Variants in KCTD16 observed in about 807,000 individuals in gnomAD.
KCTD16 encodes BTB/POZ domain-containing protein KCTD16.
In KCTD16, 13 loss-of-function variants were observed where a neutral mutation model predicts 33.2. The ratio of observed to expected loss-of-function variants is 0.39; its 90% CI spans 0.25 to 0.62. The LOEUF (loss-of-function observed/expected upper bound fraction) is 0.62. Among genes scored for constraint, KCTD16 ranks in the 20% least tolerant of loss-of-function variants. The pLI is 0.50. For synonymous variants in KCTD16, 197 were observed against 195.3 expected (o/e 1.01, Z -0.07); for missense variants, 441 against 525.1 (o/e 0.84, Z 1.57).
At position 144,481,336 on chromosome 5, in the gene KCTD16, C is replaced by T. The variant is rs1580997072; in HGVS notation, c.*7222C>T. Reference sequence around the variant, plus strand: ...TCATTGTCTGTAACTGCTTATCATACCCTTTGTTACTTTGAGTTGAATATT... The same window carrying T: ...TCATTGTCTGTAACTGCTTATCATATCCTTTGTTACTTTGAGTTGAATATT... On this transcript the variant is annotated 3_prime_UTR_variant, in exon 4 of 4. Transcript: ENST00000512467. 6.6e-6 allele frequency: 1 copy of T among 151,878 alleles called. No individual in the cohort carries two copies. The highest frequency in any genetic ancestry group is 2.4e-5 in the African/African-American group (1 of 41,386). The allele number at this position is 151,878 out of a possible 1,614,324, so 9.4% of individuals were successfully genotyped here. A position where few individuals can be genotyped will look rare whatever the true frequency, so the allele number is the denominator to read the frequency against.
In KCTD16 at chr5:144,280,820, G is replaced by C. The variant is rs753690510; in HGVS notation, c.832+73274G>C. ...TGGGAGCCTGTAGTCCCAGCTACTC[G>C]GGAGGCTGAGGCAGGAGAATGGCGT... On this transcript the variant is annotated intron_variant, in intron 3 of 3. Coordinates refer to ENST00000512467, the MANE Select transcript of KCTD16 (RefSeq NM_020768.4). Among the ~76,000 whole-genome samples, 4 of 151,902 alleles carry C rather than the reference G, an allele frequency of 2.6e-5. No individual in the cohort carries two copies. In the East Asian group the frequency reaches 7.8e-4, roughly 30 times the overall value.
At chr5:144,173,152 T>C (rs1404671523) in intron 1 of KCTD16, among the ~76,000 whole-genome samples, 1 of 152,184 alleles carries the variant, frequency 6.6e-6, no homozygotes, top group Non-Finnish European at 1.5e-5. Flanking sequence ...AGGATATAAA[T>C]CAGTCTATCA....
chr5:144,402,237 G>T (rs914386652), intron 3 of KCTD16, among the ~76,000 whole-genome samples: 1 of 152,120 alleles, frequency 6.6e-6, no homozygotes, highest in African/African-American at 2.4e-5. Context: ...CTATAGAAGG[G>T]GCTTTTCTGG....
At chr5:144,282,178 G>A (rs1375388290) in intron 3 of KCTD16, among the ~76,000 whole-genome samples, 1 of 152,184 alleles carries the variant, frequency 6.6e-6, no homozygotes, top group East Asian at 1.9e-4. Flanking sequence ...GAAAGGATCT[G>A]AAGGTTGAGC....
At chr5:144,250,460 C>T (rs1754667383) in intron 3 of KCTD16, among the ~76,000 whole-genome samples, 1 of 152,146 alleles carries the variant, frequency 6.6e-6, no homozygotes, top group Non-Finnish European at 1.5e-5. Flanking sequence ...TGACATTTTA[C>T]ATTGGAATTC....
intron 3 of KCTD16, among the ~76,000 whole-genome samples, chr5:144,397,093 G>A (rs1414254516): frequency 9.8e-6 from 1 of 101,912 alleles, no homozygotes; most frequent in African/African-American, 4.0e-5. Context: ...CCCACAACAG[G>A]CCCCACTGTG....
At chr5:144,243,148 T>C (rs1754449308) in intron 3 of KCTD16, among the ~76,000 whole-genome samples, 1 of 152,236 alleles carries the variant, frequency 6.6e-6, no homozygotes. Context: ...AAGTGTCATT[T>C]TCATCACATC....
chr5:144,290,603 C>T (rs995556849), intron 3 of KCTD16, among the ~76,000 whole-genome samples: 1 of 152,176 alleles, frequency 6.6e-6, no homozygotes, highest in African/African-American at 2.4e-5. Flanking sequence ...TCTTCTATAT[C>T]AATAAGATCT....
At chr5:144,342,041 TTTAG>T (rs1457710469) in intron 3 of KCTD16, among the ~76,000 whole-genome samples, 3 of 152,200 alleles carry the variant, frequency 2.0e-5, no homozygotes, top group Non-Finnish European at 4.4e-5. Context: ...TGTTAAAAAG[TTTAG>T]TTAGCAATGC....
chr5:144,174,502 C>G (rs1013712267), intron 2 of KCTD16, 30 bp downstream of exon 2: 1 of 152,196 alleles, frequency 6.6e-6, no homozygotes, highest in Non-Finnish European at 1.5e-5. Flanking sequence ...TTTACTCTCC[C>G]TATATATTAA....
At chr5:144,453,622 C>G (rs916209090) in intron 3 of KCTD16, among the ~76,000 whole-genome samples, 2 of 151,816 alleles carry the variant, frequency 1.3e-5, no homozygotes, top group Non-Finnish European at 2.9e-5. Context: ...TTATTTTACA[C>G]GATAAAAAAT....
chr5:144,172,056 T>C (rs1752396674), intron 1 of KCTD16, among the ~76,000 whole-genome samples: 1 of 152,174 alleles, frequency 6.6e-6, no homozygotes, highest in African/African-American at 2.4e-5. Flanking sequence ...CAGACCATTG[T>C]TGGGGACTAG....
At chr5:144,320,314 T>C (rs1220211565) in intron 3 of KCTD16, among the ~76,000 whole-genome samples, 1 of 152,212 alleles carries the variant, frequency 6.6e-6, no homozygotes, top group Non-Finnish European at 1.5e-5. Flanking sequence ...AGAGTTTTCT[T>C]AGTTTCATTA....
At position 144,484,974 on chromosome 5, in the gene KCTD16, C is replaced by A. The variant is rs1754774491; in HGVS notation, c.*10860C>A. 1 of 151,886 alleles carries A rather than the reference C, an allele frequency of 6.6e-6. No individual in the cohort carries two copies. The highest frequency in any genetic ancestry group is 1.5e-5 in the Non-Finnish European group (1 of 67,920). The allele number at this position is 151,886 out of a possible 1,614,324, so 9.4% of individuals were successfully genotyped here. A position where few individuals can be genotyped will look rare whatever the true frequency, so the allele number is the denominator to read the frequency against. ...AATGTGCTTATTACAGTATAAACAT[C>A]ATTAATTATGGACTCACATGAATGC... On this transcript the variant is annotated 3_prime_UTR_variant, in exon 4 of 4. Coordinates refer to ENST00000512467, the MANE Select transcript of KCTD16 (RefSeq NM_020768.4).
chr5:144,236,236 G>A (rs1343648586), intron 3 of KCTD16, among the ~76,000 whole-genome samples: 1 of 152,060 alleles, frequency 6.6e-6, no homozygotes, highest in African/African-American at 2.4e-5. Flanking sequence ...AAATGCAGAG[G>A]GAGAAGTAAA....
At chr5:144,456,512 C>T (rs1754066736) in intron 3 of KCTD16, among the ~76,000 whole-genome samples, 1 of 152,076 alleles carries the variant, frequency 6.6e-6, no homozygotes, top group Non-Finnish European at 1.5e-5. Context: ...AGGACTTAGC[C>T]TAAACTAAAC....
intron 3 of KCTD16, among the ~76,000 whole-genome samples, chr5:144,349,315 A>G (rs2126906375): frequency 6.6e-6 from 1 of 152,166 alleles, no homozygotes; most frequent in African/African-American, 2.4e-5. Flanking sequence ...CAGCTACATG[A>G]CCCTGGGCAA....
chr5:144,215,747 C>T (rs984976491), intron 3 of KCTD16, among the ~76,000 whole-genome samples: 1 of 152,220 alleles, frequency 6.6e-6, no homozygotes, highest in Non-Finnish European at 1.5e-5. Flanking sequence ...ATGAGGACCT[C>T]TGGGAATACT....
intron 3 of KCTD16, among the ~76,000 whole-genome samples, chr5:144,393,329 G>A (rs1183569772): frequency 6.6e-6 from 1 of 152,178 alleles, no homozygotes. Flanking sequence ...AACGAAGAGA[G>A]AGAGCTAAAA....
Sources: allele counts gnomAD v4.1 joint callset (sites outside exome capture counted in the v4.1 genomes callset), GRCh38; gene constraint gnomAD v4.1.1; transcripts MANE v1.5; gene names NCBI Gene and HGNC (gene_info 2026-07-23, HGNC 2026-07-21).